SHROOM4: variants seen among roughly 807,000 people sequenced by gnomAD.
SHROOM4 encodes shroom family member 4.
SHROOM4 carries 17 observed loss-of-function variants against 80.3 expected under a neutral mutation model. The ratio of observed to expected loss-of-function variants is 0.21; its 90% CI spans 0.14 to 0.32. The LOEUF (loss-of-function observed/expected upper bound fraction) is 0.32. Ranked by LOEUF, SHROOM4 falls within the 10% of genes least tolerant of loss-of-function variation. SHROOM4 has a pLI of 1.00. For missense variants in SHROOM4, 993 were observed against 1,140.3 expected, an observed-to-expected ratio of 0.87 and a Z score of 1.86; for synonymous variants, 400 against 437.5, an observed-to-expected ratio of 0.91 and a Z score of 1.07.
chrX:50,728,974 G>C (rs781881075), intron 1 of SHROOM4, among the ~76,000 whole-genome samples: 18 of 71,849 alleles, frequency 2.5e-4, no homozygotes, highest in Non-Finnish European at 4.6e-4. Flanking sequence ...AAAATAAACA[G>C]ACAACCAAAC....
At position 50,635,290 on chromosome X, in the gene SHROOM4, T is replaced by A; in HGVS notation, c.783A>T (p.Gly261=). 8.3e-7 allele frequency: 1 copy of A among 1,201,369 alleles called. No individual in the cohort carries two copies. Among genetic ancestry groups the A allele is most frequent in the South Asian group, 1.8e-5 (1 of 55,255 alleles). The change falls in exon 4 of 9, where the codon GGA becomes GGT. Residue 261 remains glycine, a synonymous_variant. Transcript: ENST00000376020. ...CTGCTTTGGCGGGCCCTGACTGGTA[T>A]CCCTCCTGTGGACGGGATGACATCT... ...SSQMSSRPQE[G]YQSGPAKAVR... is the part of the protein sequence containing the mutation.
In SHROOM4 at chrX:50,596,294, T is replaced by G. The variant is rs1350182473; in HGVS notation, c.*401A>C. ...GCTGGCCACAAGCCCTGGGGCAGAG[T>G]AGAGCTGCAAGGCAGATTCCCTCTG... On this transcript the variant is annotated 3_prime_UTR_variant, in exon 9 of 9. Coordinates refer to ENST00000376020, the MANE Select transcript of SHROOM4 (RefSeq NM_020717.5). 2.9e-6 allele frequency: 1 copy of G among 344,192 alleles called. No homozygotes were observed. The highest frequency in any genetic ancestry group is 5.5e-6 in the Non-Finnish European group (1 of 180,317). The allele number at this position is 344,192 out of a possible 1,213,427, so 28.4% of individuals were successfully genotyped here.
At chrX:50,699,460 C>T (rs1933461171) in intron 1 of SHROOM4, among the ~76,000 whole-genome samples, 1 of 112,184 alleles carries the variant, frequency 8.9e-6, no homozygotes, top group African/African-American at 3.2e-5. Flanking sequence ...CAAAGTCATG[C>T]ATTATCCTTC....
chrX:50,688,835 C>A (rs1344655900), intron 2 of SHROOM4, among the ~76,000 whole-genome samples: 3 of 109,907 alleles, frequency 2.7e-5, no homozygotes, highest in African/African-American at 1.0e-4. Flanking sequence ...GAAGTAGGAA[C>A]TATGAGTAAC....
chrX:50,751,372 T>A (rs1934914358), intron 1 of SHROOM4, among the ~76,000 whole-genome samples: 1 of 112,275 alleles, frequency 8.9e-6, no homozygotes, highest in South Asian at 3.7e-4. Flanking sequence ...AGAGAACTAG[T>A]ATTTCTTCAC....
At chrX:50,648,320 C>T (rs1226073261) in intron 2 of SHROOM4, among the ~76,000 whole-genome samples, 1 of 111,864 alleles carries the variant, frequency 8.9e-6, no homozygotes, top group Non-Finnish European at 1.9e-5. Context: ...TCTGTACCTT[C>T]TTAGCACAGT....
intron 1 of SHROOM4, among the ~76,000 whole-genome samples, chrX:50,772,250 G>A (rs73483773): frequency 0.053 from 5,905 of 111,286 alleles, 399 homozygotes; most frequent in African/African-American, 0.18. Flanking sequence ...GAAAACATGT[G>A]GTAACAACAA....
chrX:50,597,456 G>A (rs1187758032), intron 8 of SHROOM4, among the ~76,000 whole-genome samples: 4 of 111,757 alleles, frequency 3.6e-5, no homozygotes, highest in Non-Finnish European at 7.5e-5. Flanking sequence ...ATAGGGAAAG[G>A]TGATGCAATT....
At chrX:50,651,109 A>G (rs782306798) in intron 2 of SHROOM4, among the ~76,000 whole-genome samples, 10 of 111,354 alleles carry the variant, frequency 9.0e-5, no homozygotes, top group African/African-American at 2.0e-4. Flanking sequence ...CCAACAAAAA[A>G]ACACTACTCA....
chrX:50,728,811 G>A (rs1226496010), intron 1 of SHROOM4, among the ~76,000 whole-genome samples: 1 of 112,062 alleles, frequency 8.9e-6, no homozygotes, highest in Admixed American at 9.5e-5. Context: ...AACTGACTAA[G>A]GGGAGTAATC....
chrX:50,734,966 C>T (rs1314388074), intron 1 of SHROOM4, among the ~76,000 whole-genome samples: 1 of 110,510 alleles, frequency 9.0e-6, no homozygotes, highest in African/African-American at 3.3e-5. Flanking sequence ...GTGAGGCCTC[C>T]CCAGCTATGT....
At chrX:50,698,142 G>A (rs901796549) in intron 1 of SHROOM4, among the ~76,000 whole-genome samples, 1 of 112,291 alleles carries the variant, frequency 8.9e-6, no homozygotes, top group Admixed American at 9.4e-5. Flanking sequence ...CTCTGTTACA[G>A]CAGCAAGATC....
chrX:50,701,125 T>C (rs1290911849), intron 1 of SHROOM4, among the ~76,000 whole-genome samples: 3 of 111,741 alleles, frequency 2.7e-5, no homozygotes, highest in African/African-American at 6.5e-5. Context: ...CCATCTAGTT[T>C]ACTAATCCTC....
chrX:50,729,504 A>T (rs1364886877), intron 1 of SHROOM4, among the ~76,000 whole-genome samples: 2 of 111,643 alleles, frequency 1.8e-5, no homozygotes, highest in Non-Finnish European at 3.8e-5. Context: ...AATATGGTAC[A>T]CCATTAAGCA....
At chrX:50,647,284 T>C (rs1466794829) in intron 2 of SHROOM4, among the ~76,000 whole-genome samples, 2 of 111,889 alleles carry the variant, frequency 1.8e-5, no homozygotes, top group Non-Finnish European at 3.8e-5. Context: ...AGTGAATATT[T>C]CGAAGCTTCT....
chrX:50,697,493 T>C (rs1343591225), intron 1 of SHROOM4, among the ~76,000 whole-genome samples: 1 of 112,060 alleles, frequency 8.9e-6, no homozygotes, highest in Non-Finnish European at 1.9e-5. Flanking sequence ...AAAAATTAAG[T>C]TCAGGATTTT....
chrX:50,687,520 T>C (rs782491977), intron 2 of SHROOM4, among the ~76,000 whole-genome samples: 13 of 110,892 alleles, frequency 1.2e-4, no homozygotes, highest in Non-Finnish European at 7.6e-5. Context: ...TAATACATGG[T>C]AGGACAACTT....
chrX:50,633,719 G>T lies in SHROOM4; in HGVS notation c.2354C>A (p.Ser785Tyr), dbSNP rs1557254855. The T allele has an allele frequency of 1.7e-6, 2 of 1,210,452 alleles. No homozygotes were observed. The highest frequency in any genetic ancestry group is 4.4e-5 in the Admixed American group (2 of 45,855). Residue 785 changes from serine to tyrosine, a missense_variant, in exon 4 of 9, where the codon TCT (serine) becomes TAT (tyrosine). Coordinates refer to ENST00000376020, the MANE Select transcript of SHROOM4 (RefSeq NM_020717.5). ...GGTTAAACCTGGCAAATGAGATGTAGATAAGGATTTGCTACTCTCTTCAAA... is the reference window on the plus strand; with the variant it reads ...GGTTAAACCTGGCAAATGAGATGTATATAAGGATTTGCTACTCTCTTCAAA... ...KFFEESSKSLSTSHLPGLTTH... is the reference protein window; with the variant it reads ...KFFEESSKSLYTSHLPGLTTH...
intron 1 of SHROOM4, among the ~76,000 whole-genome samples, chrX:50,734,480 C>T (rs782370554): frequency 0.1 from 11,030 of 110,733 alleles, 605 homozygotes; most frequent in Non-Finnish European, 0.15. Flanking sequence ...GTGGTGCAAT[C>T]TCGGCTCACT....
Sources: allele counts gnomAD v4.1 joint callset (sites outside exome capture counted in the v4.1 genomes callset), GRCh38; gene constraint gnomAD v4.1.1; transcripts MANE v1.5; gene names NCBI Gene and HGNC (gene_info 2026-07-23, HGNC 2026-07-21).